Variants in PDE4D observed in about 807,000 individuals in gnomAD.
PDE4D encodes 3',5'-cyclic-AMP phosphodiesterase 4D.
Under a neutral mutation model 87.4 loss-of-function variants are expected in PDE4D, and 24 were observed. The ratio of observed to expected loss-of-function variants is 0.27; its 90% CI spans 0.20 to 0.39. The LOEUF (loss-of-function observed/expected upper bound fraction) is 0.39, where lower values mean the gene tolerates loss of function less well. Among genes scored for constraint, PDE4D ranks in the 10% least tolerant of loss-of-function variants. The pLI, the probability that PDE4D is intolerant of heterozygous loss-of-function variation, is 1.00. For synonymous variants in PDE4D, 384 were observed against 383.2 expected, an observed-to-expected ratio of 1.00 and a Z score of -0.02; for missense variants, 714 against 1,041.0, an observed-to-expected ratio of 0.69 and a Z score of 4.32.
At chr5:60,107,011 A>C (rs1172397352) in intron 2 of PDE4D, among the ~76,000 whole-genome samples, 2 of 152,126 alleles carry the variant, frequency 1.3e-5, no homozygotes, top group Non-Finnish European at 2.9e-5. Flanking sequence ...CTAAAATCAG[A>C]GGAGAACTGA....
At chr5:59,477,459 A>G (rs1261340694) in intron 1 of PDE4D, among the ~76,000 whole-genome samples, 1 of 151,928 alleles carries the variant, frequency 6.6e-6, no homozygotes, top group Non-Finnish European at 1.5e-5. Flanking sequence ...ATTTAATAAG[A>G]TGAAAAAATA....
intron 1 of PDE4D, among the ~76,000 whole-genome samples, chr5:59,371,384 T>C (rs557053892): frequency 6.6e-6 from 1 of 152,288 alleles, no homozygotes; most frequent in Admixed American, 6.5e-5. Flanking sequence ...CAGGAAAGAT[T>C]AGAGGCAGAG....
intron 5 of PDE4D, among the ~76,000 whole-genome samples, chr5:59,112,591 G>A (rs1561505254): frequency 1.3e-5 from 2 of 152,098 alleles, no homozygotes; most frequent in African/African-American, 4.8e-5. Context: ...GGCTTCAGGA[G>A]TTCTAATGTA....
At chr5:59,693,580 C>T (rs298086) in intron 1 of PDE4D, among the ~76,000 whole-genome samples, 114,773 of 152,032 alleles carry the variant, frequency 0.75, 43,456 homozygotes, top group East Asian at 0.84. Context: ...TTAAAGATAA[C>T]TGAACTTAAT....
chr5:59,806,247 A>G (rs1767719129), intron 1 of PDE4D, among the ~76,000 whole-genome samples: 1 of 152,172 alleles, frequency 6.6e-6, no homozygotes, highest in South Asian at 2.1e-4. Flanking sequence ...TGAGGACCTT[A>G]ATGAAAGGGG....
At chr5:59,762,077 G>C (rs545821949) in intron 1 of PDE4D, among the ~76,000 whole-genome samples, 101 of 151,868 alleles carry the variant, frequency 6.7e-4, no homozygotes, top group African/African-American at 2.4e-3. Context: ...GTGTACTGTT[G>C]AGCATTTTAA....
chr5:59,620,383 C>T (rs543215308), intron 1 of PDE4D, among the ~76,000 whole-genome samples: 4 of 152,198 alleles, frequency 2.6e-5, no homozygotes, highest in African/African-American at 9.6e-5. Flanking sequence ...AGCAAGAAAG[C>T]AGTTGAGAAA....
intron 2 of PDE4D, among the ~76,000 whole-genome samples, chr5:60,084,522 C>T (rs1332763391): frequency 1.3e-5 from 2 of 152,108 alleles, no homozygotes; most frequent in African/African-American, 2.4e-5. Context: ...GCATATACCA[C>T]TTCCCCTCCA....
intron 6 of PDE4D, among the ~76,000 whole-genome samples, chr5:59,008,240 G>A (rs1407787679): frequency 6.6e-6 from 1 of 151,856 alleles, no homozygotes; most frequent in Non-Finnish European, 1.5e-5. Flanking sequence ...AGAAAATTAG[G>A]ATCTCCAATT....
At chr5:59,992,265 A>ACAGAGTGAT (rs1763085499) in intron 2 of PDE4D, among the ~76,000 whole-genome samples, 2 of 152,214 alleles carry the variant, frequency 1.3e-5, no homozygotes, top group African/African-American at 4.8e-5. Context: ...ACATGCTTCT[A>ACAGAGTGAT]CAGAGTGATG....
intron 2 of PDE4D, among the ~76,000 whole-genome samples, chr5:60,026,982 G>A (rs1357752834): frequency 3.3e-5 from 5 of 151,960 alleles, no homozygotes; most frequent in South Asian, 2.1e-4. Flanking sequence ...CTGTATCCTC[G>A]TTGTTATTCA....
chr5:59,856,540 C>T (rs759890216), intron 1 of PDE4D, among the ~76,000 whole-genome samples: 4 of 152,140 alleles, frequency 2.6e-5, no homozygotes, highest in Non-Finnish European at 5.9e-5. Context: ...GTCACAGTGG[C>T]TGCAAGTAAT....
chr5:60,039,226 G>A (rs1388377965), intron 2 of PDE4D, among the ~76,000 whole-genome samples: 3 of 152,056 alleles, frequency 2.0e-5, no homozygotes, highest in Non-Finnish European at 4.4e-5. Flanking sequence ...AGAAAATGTG[G>A]CACATATACA....
chr5:59,984,947 T>C (rs1762268588), intron 3 of PDE4D, among the ~76,000 whole-genome samples: 1 of 151,938 alleles, frequency 6.6e-6, no homozygotes, highest in African/African-American at 2.4e-5. Context: ...GGTCTCAGTA[T>C]AGGTTGGCAA....
At chr5:58,991,650 A>AC (rs2153341238) in intron 8 of PDE4D, among the ~76,000 whole-genome samples, 182 bp downstream of exon 8, 1 of 152,064 alleles carries the variant, frequency 6.6e-6, no homozygotes, top group East Asian at 1.9e-4. Flanking sequence ...CCTAAAACAT[A>AC]CCAAACCACC....
chr5:60,225,039 A>T (rs936881933), intron 1 of PDE4D, among the ~76,000 whole-genome samples: 3 of 151,958 alleles, frequency 2.0e-5, no homozygotes, highest in African/African-American at 7.2e-5. Context: ...CCCAGGTACC[A>T]CCTGGGAAGC....
intron 1 of PDE4D, among the ~76,000 whole-genome samples, chr5:59,700,140 C>A (rs535207258): frequency 6.6e-6 from 1 of 152,104 alleles, no homozygotes. Context: ...ATCTAGAAAA[C>A]CAATAAAAGG....
chr5:60,214,032 G>A (rs1349073680), intron 1 of PDE4D, among the ~76,000 whole-genome samples: 3 of 152,160 alleles, frequency 2.0e-5, no homozygotes, highest in African/African-American at 7.2e-5. Flanking sequence ...AAATGAACAA[G>A]GTGGGAATTA....
At chr5:59,654,634 A>G (rs1744059951) in intron 1 of PDE4D, among the ~76,000 whole-genome samples, 1 of 152,192 alleles carries the variant, frequency 6.6e-6, no homozygotes, top group African/African-American at 2.4e-5. Flanking sequence ...AAAATGTACA[A>G]TTCAGTGACA....
Sources: allele counts gnomAD v4.1 joint callset (sites outside exome capture counted in the v4.1 genomes callset), GRCh38; gene constraint gnomAD v4.1.1; transcripts MANE v1.5; gene names NCBI Gene and HGNC (gene_info 2026-07-23, HGNC 2026-07-21).